APBA2: variants seen among roughly 807,000 people sequenced by gnomAD.
APBA2 encodes the protein amyloid-beta A4 precursor protein-binding family A member 2.
In APBA2, 30 loss-of-function variants were observed where a neutral mutation model predicts 75.0. The observed-to-expected ratio is 0.40, with a 90% CI of 0.30 to 0.54. APBA2 has a LOEUF of 0.54. Among genes scored for constraint, APBA2 ranks in the 20% least tolerant of loss-of-function variants. The pLI is 0.49. For missense variants in APBA2, 801 were observed against 1,016.1 expected (o/e 0.79, Z 2.88); for synonymous variants, 444 against 409.6 (o/e 1.08, Z -1.01).
At chr15:29,105,011 AG>A (rs1209548800) in intron 10 of APBA2, among the ~76,000 whole-genome samples, 1 of 152,168 alleles carries the variant, frequency 6.6e-6, no homozygotes, top group Non-Finnish European at 1.5e-5. Flanking sequence ...TCATCTCGAA[AG>A]AAAAAAAAAG....
intron 3 of APBA2, among the ~76,000 whole-genome samples, chr15:29,035,773 C>T (rs1455791440): frequency 1.3e-5 from 2 of 152,188 alleles, no homozygotes; most frequent in Non-Finnish European, 2.9e-5. Context: ...TCCCAGCCTC[C>T]CCCTGACCTG....
At chr15:28,951,856 C>T (rs2035894938) in intron 2 of APBA2, among the ~76,000 whole-genome samples, 1 of 10,284 alleles carries the variant, frequency 9.7e-5, no homozygotes, top group Non-Finnish European at 4.4e-4. Context: ...GCTGGGATTA[C>T]AGGCGTGAGC....
intron 1 of APBA2, among the ~76,000 whole-genome samples, chr15:28,921,032 C>T (rs758030865): frequency 1.3e-5 from 2 of 152,122 alleles, no homozygotes; most frequent in Non-Finnish European, 2.9e-5. Context: ...CTGATGGCTT[C>T]TCTGGGCACC....
At chr15:29,111,190 C>T (rs1159908617) in intron 13 of APBA2, among the ~76,000 whole-genome samples, 1 of 151,452 alleles carries the variant, frequency 6.6e-6, no homozygotes, top group Non-Finnish European at 1.5e-5. Context: ...GTCTGAGTTC[C>T]GGAGTGATGG....
intron 1 of APBA2, among the ~76,000 whole-genome samples, chr15:28,910,060 A>G (rs983082390): frequency 5.9e-5 from 9 of 152,226 alleles, no homozygotes; most frequent in Admixed American, 2.0e-4. Flanking sequence ...AACATTATTT[A>G]GAGAGGTGGA....
intron 2 of APBA2, among the ~76,000 whole-genome samples, chr15:28,957,388 G>A (rs116000541): frequency 0.013 from 1,989 of 152,238 alleles, 60 homozygotes; most frequent in African/African-American, 0.046. Flanking sequence ...CTGAGCTCTT[G>A]TTTTCACTTC....
chr15:28,894,839 G>A (rs903876442), intron 1 of APBA2, among the ~76,000 whole-genome samples: 1 of 151,972 alleles, frequency 6.6e-6, no homozygotes, highest in African/African-American at 2.4e-5. Flanking sequence ...GAGGCGAGGG[G>A]AGGGTGCGGG....
chr15:28,902,062 A>G (rs1026955014), intron 1 of APBA2, among the ~76,000 whole-genome samples: 1 of 151,928 alleles, frequency 6.6e-6, no homozygotes, highest in African/African-American at 2.4e-5. Context: ...ATGGGGGCTC[A>G]TAAAAACCCG....
chr15:28,975,486 A>G (rs1469638641), intron 2 of APBA2, among the ~76,000 whole-genome samples: 2 of 152,240 alleles, frequency 1.3e-5, no homozygotes, highest in African/African-American at 2.4e-5. Context: ...GATATCTTTC[A>G]TCATCTACAA....
At chr15:29,055,076 G>C (rs2041820242) in intron 4 of APBA2, among the ~76,000 whole-genome samples, 1 of 152,208 alleles carries the variant, frequency 6.6e-6, no homozygotes. Flanking sequence ...GTGGCAACTC[G>C]TGTCTCGCAG....
intron 3 of APBA2, among the ~76,000 whole-genome samples, chr15:29,028,767 AGCTTTTTTTCAT>A (rs879655032): frequency 6.6e-5 from 10 of 151,948 alleles, no homozygotes; most frequent in Admixed American, 2.0e-4. Context: ...AGTGATGTTG[AGCTTTTTTTCAT>A]ATGTTTGATG....
intron 2 of APBA2, among the ~76,000 whole-genome samples, chr15:28,927,586 A>T (rs1417980559): frequency 3.3e-5 from 5 of 150,474 alleles, no homozygotes; most frequent in Non-Finnish European, 7.4e-5. Context: ...CATTATTATT[A>T]TTTTTTTATT....
intron 6 of APBA2, among the ~76,000 whole-genome samples, chr15:29,078,930 G>C (rs1264848566): frequency 2.0e-5 from 3 of 152,204 alleles, no homozygotes; most frequent in African/African-American, 7.2e-5. Context: ...ACCTTTCATA[G>C]TGTGCTCCCT....
intron 2 of APBA2, among the ~76,000 whole-genome samples, chr15:28,937,499 G>A (rs2034945487): frequency 6.6e-6 from 1 of 152,108 alleles, no homozygotes. Context: ...GGTTCCCTCG[G>A]TTCCTGAAGC....
At chr15:28,932,457 G>T (rs56219481) in intron 2 of APBA2, among the ~76,000 whole-genome samples, 1 of 152,218 alleles carries the variant, frequency 6.6e-6, no homozygotes, top group Non-Finnish European at 1.5e-5. Context: ...GGTGGGCCTA[G>T]TGCTGCAGTC....
intron 3 of APBA2, among the ~76,000 whole-genome samples, chr15:29,005,441 A>C (rs1296933491): frequency 1.3e-5 from 2 of 151,978 alleles, no homozygotes; most frequent in African/African-American, 4.8e-5. Context: ...TTAAATTTTT[A>C]ATTAGAGACA....
At chr15:29,110,921 T>C (rs1015968124) in intron 13 of APBA2, among the ~76,000 whole-genome samples, 32 of 151,976 alleles carry the variant, frequency 2.1e-4, no homozygotes, top group Non-Finnish European at 4.6e-4. Context: ...CCAGCTGCCT[T>C]CTGGGGCAGG....
chr15:28,952,376 A>T (rs950827960), intron 2 of APBA2, among the ~76,000 whole-genome samples: 24 of 149,124 alleles, frequency 1.6e-4, no homozygotes, highest in Admixed American at 5.4e-4. Flanking sequence ...CAAAAAAATT[A>T]AAAAAAAAAG....
Position 29,035,680 on chromosome 15 carries a change from G to A in APBA2, c.-40-18165G>A, listed in dbSNP as rs867066. 3.8e-3 allele frequency among the ~76,000 whole-genome samples: 580 copies of A among 152,280 alleles called. 14 individuals carry two copies. Among genetic ancestry groups the A allele is most frequent in the East Asian group, 0.023 (120 of 5,170 alleles). On this transcript the variant is annotated intron_variant, in intron 3 of 14. Transcript: ENST00000683413. ...ACAAGAAATCGATGTGGTGTTCCAC[G>A]TTCGAAGCAGGGGTTCTCCGTGACG...
Sources: gnomAD v4.1 joint callset for allele counts (sites outside exome capture counted in the v4.1 genomes callset) on GRCh38, gnomAD v4.1.1 for gene constraint, MANE v1.5 for transcripts, NCBI Gene and HGNC (gene_info 2026-07-23, HGNC 2026-07-21) for gene names.